The following PRKG1 variants were observed in gnomAD, a reference collection of about 807,000 sequenced individuals.
PRKG1 encodes protein kinase cGMP-dependent 1.
PRKG1 carries 35 observed loss-of-function variants against 88.1 expected under a neutral mutation model. The ratio of observed to expected loss-of-function variants is 0.40; its 90% CI spans 0.30 to 0.53. The LOEUF (loss-of-function observed/expected upper bound fraction) is 0.53. Ranked by LOEUF, PRKG1 falls within the 20% of genes least tolerant of loss-of-function variation. The pLI, the probability that PRKG1 is intolerant of heterozygous loss-of-function variation, is 0.59. For missense variants in PRKG1, 540 were observed against 839.8 expected (o/e 0.64, Z 4.41); for synonymous variants, 303 against 292.5 (o/e 1.04, Z -0.37).
chr10:51,834,058 T>C (rs920548528), intron 4 of PRKG1, among the ~76,000 whole-genome samples: 1 of 152,178 alleles, frequency 6.6e-6, no homozygotes, highest in African/African-American at 2.4e-5. Flanking sequence ...TAGGGCTAAA[T>C]AGTATTCCAT....
rs192398366 is a variant in PRKG1 at position 51,675,467 on chromosome 10, C to A, written c.593-129118C>A. On this transcript the variant is annotated intron_variant, in intron 3 of 17. Transcript: ENST00000373980. ...ATCCATCAAGGGAAAAGTTTAAACA[C>A]CATTAAGTCTAAAAAATAAGATTCC... 2.0e-5 allele frequency among the ~76,000 whole-genome samples: 3 copies of A among 152,188 alleles called. No homozygotes were observed. The East Asian group carries it at 5.8e-4, about 29-fold the overall frequency.
intron 2 of PRKG1, among the ~76,000 whole-genome samples, chr10:51,270,714 T>G (rs962837404): frequency 2.0e-5 from 3 of 152,164 alleles, no homozygotes; most frequent in Admixed American, 1.3e-4. Context: ...CCATGACTTG[T>G]GAGCTTCCCA....
intron 1 of PRKG1, among the ~76,000 whole-genome samples, chr10:51,107,918 T>A (rs1478917517): frequency 6.6e-6 from 1 of 151,924 alleles, no homozygotes; most frequent in Non-Finnish European, 1.5e-5. Context: ...AGAGGCATTT[T>A]ACAAATTTCA....
chr10:51,478,744 G>GAAA lies in PRKG1; in HGVS notation c.592+10917_592+10919dup, dbSNP rs35148190. 6.0e-4 allele frequency among the ~76,000 whole-genome samples: 89 copies of GAAA among 149,186 alleles called. 1 individual carries two copies. In the Middle Eastern group the frequency reaches 0.01, roughly 17 times the overall value. ...ATAACATGAAGCAGAGTGAGATACT[G>GAAA]AAAAAAAAAAATGGGATTTTTACCA... On this transcript the variant is annotated intron_variant, in intron 3 of 17. Transcript: ENST00000373980.
chr10:51,340,922 T>C (rs1472248407), intron 2 of PRKG1, among the ~76,000 whole-genome samples: 4 of 152,198 alleles, frequency 2.6e-5, no homozygotes, highest in Non-Finnish European at 5.9e-5. Flanking sequence ...TAATTGATTC[T>C]ACATCTCACA....
At chr10:52,190,927 T>C (rs1021778325) in intron 9 of PRKG1, among the ~76,000 whole-genome samples, 2 of 152,206 alleles carry the variant, frequency 1.3e-5, no homozygotes, top group Non-Finnish European at 2.9e-5. Context: ...TCCTTCTATA[T>C]GTATCTTCTA....
intron 3 of PRKG1, among the ~76,000 whole-genome samples, chr10:51,477,869 C>G (rs1291275924): frequency 6.6e-6 from 1 of 151,952 alleles, no homozygotes; most frequent in Non-Finnish European, 1.5e-5. Flanking sequence ...TCATCACAGC[C>G]CTTACTTGGG....
intron 8 of PRKG1, among the ~76,000 whole-genome samples, chr10:52,160,608 A>G (rs11817564): frequency 0.059 from 8,942 of 151,980 alleles, 781 homozygotes; most frequent in African/African-American, 0.19. Flanking sequence ...CCCAAGAAGG[A>G]TGTCATGTTC....
chr10:52,130,798 A>T (rs77615899), intron 7 of PRKG1, among the ~76,000 whole-genome samples: 40 of 152,314 alleles, frequency 2.6e-4, no homozygotes, highest in African/African-American at 9.6e-4. Context: ...AATTGAAAAT[A>T]CATTGCTTAC....
intron 1 of PRKG1, among the ~76,000 whole-genome samples, chr10:51,095,701 C>T (rs904116563): frequency 1.6e-4 from 25 of 152,150 alleles, no homozygotes; most frequent in Admixed American, 2.0e-4. Flanking sequence ...TGGGGAACTG[C>T]ATTCTGAGTC....
chr10:51,168,201 T>G (rs765552755), intron 2 of PRKG1, among the ~76,000 whole-genome samples: 10 of 152,132 alleles, frequency 6.6e-5, no homozygotes, highest in Non-Finnish European at 1.5e-4. Flanking sequence ...TAGCACTATC[T>G]TTTTTGTCTT....
intron 4 of PRKG1, among the ~76,000 whole-genome samples, chr10:51,886,281 A>G (rs1379650911): frequency 6.6e-6 from 1 of 152,172 alleles, no homozygotes; most frequent in Non-Finnish European, 1.5e-5. Flanking sequence ...TCATATTTAT[A>G]TGTATTATAT....
At chr10:51,360,055 A>T (rs1390827369) in intron 2 of PRKG1, among the ~76,000 whole-genome samples, 2 of 151,892 alleles carry the variant, frequency 1.3e-5, no homozygotes, top group African/African-American at 4.8e-5. Flanking sequence ...ATGAGGGAAA[A>T]TGTTAGTTGA....
chr10:51,015,844 G>A (rs559219070), intron 1 of PRKG1, among the ~76,000 whole-genome samples: 19 of 152,224 alleles, frequency 1.2e-4, no homozygotes, highest in African/African-American at 3.4e-4. Context: ...CCGAGATGGC[G>A]CCATTGCAGT....
intron 5 of PRKG1, among the ~76,000 whole-genome samples, chr10:51,990,346 G>A (rs1173006153): frequency 2.0e-5 from 3 of 151,982 alleles, no homozygotes; most frequent in African/African-American, 7.2e-5. Flanking sequence ...TGTTAGGATT[G>A]TTTTTTCCAT....
At chr10:52,011,493 T>C (rs1844878267) in intron 5 of PRKG1, among the ~76,000 whole-genome samples, 1 of 152,174 alleles carries the variant, frequency 6.6e-6, no homozygotes, top group African/African-American at 2.4e-5. Flanking sequence ...TGGTCCTATC[T>C]AGAGCCTCAA....
intron 9 of PRKG1, among the ~76,000 whole-genome samples, chr10:52,179,138 T>C (rs769855181): frequency 6.6e-6 from 1 of 152,168 alleles, no homozygotes; most frequent in Non-Finnish European, 1.5e-5. Flanking sequence ...GGTGATAACA[T>C]TTGATTCATT....
chr10:51,464,241 T>C (rs1280096449), intron 2 of PRKG1, among the ~76,000 whole-genome samples: 6 of 151,948 alleles, frequency 3.9e-5, no homozygotes, highest in Admixed American at 3.3e-4. Flanking sequence ...TGAGCCAAGA[T>C]GACACCACTG....
intron 1 of PRKG1, among the ~76,000 whole-genome samples, chr10:51,052,393 A>G (rs1458004585): frequency 6.6e-6 from 1 of 152,200 alleles, no homozygotes; most frequent in Non-Finnish European, 1.5e-5. Flanking sequence ...CCCATGGACC[A>G]ATGCCCAGTT....
Sources: gnomAD v4.1 joint callset for allele counts (sites outside exome capture counted in the v4.1 genomes callset) on GRCh38, gnomAD v4.1.1 for gene constraint, MANE v1.5 for transcripts, NCBI Gene and HGNC (gene_info 2026-07-23, HGNC 2026-07-21) for gene names.